The following VSIG10L2 variants were observed in gnomAD, a reference collection of about 807,000 sequenced individuals.
VSIG10L2 encodes the protein V-set and immunoglobulin domain-containing protein 10-like 2.
A neutral mutation model predicts 67.1 loss-of-function variants in VSIG10L2; 56 were observed. The observed-to-expected ratio is 0.83, with a 90% CI of 0.67 to 1.04. The LOEUF (loss-of-function observed/expected upper bound fraction) is 1.04. VSIG10L2 is among the 50% of genes least tolerant of loss of function. The probability of loss-of-function intolerance (pLI) is 0.00; values close to 1 mark genes in which losing one functional copy is unlikely to be tolerated. For missense variants in VSIG10L2, 843 were observed against 932.8 expected (o/e 0.90, Z 1.25); for synonymous variants, 360 against 396.6 (o/e 0.91, Z 1.10).
At chr11:125,951,715 G>A (rs974519917) in intron 5 of VSIG10L2, 98 bp from the exon 6 acceptor site, 36 of 1,223,968 alleles carry the variant, frequency 2.9e-5, no homozygotes, top group Non-Finnish European at 3.5e-5. Flanking sequence ...AATGAAGGAA[G>A]GAGGGAGTGA....
At position 125,947,970 on chromosome 11, in the gene VSIG10L2, C is replaced by A; in HGVS notation, c.367C>A (p.Gln123Lys). Residue 123 changes from glutamine to lysine, a missense_variant, in exon 2 of 12, where the codon CAG (glutamine) becomes AAG (lysine). Gln to Lys is a moderately conservative substitution (Grantham distance 53, BLOSUM62 1). Transcript: ENST00000686984. The stretch of plus-strand genomic sequence containing the variant: ...GGGTGCCCGTGGCCACTTCCTATGC[C>A]AGGTTCTGCACGTGGCTGGCGGCCA... The part of the protein sequence containing the change: ...HEGARGHFLC[Q>K]VLHVAGGQLH... The A allele has an allele frequency of 1.6e-6, 2 of 1,232,310 alleles. No individual in the cohort carries two copies. The highest frequency in any genetic ancestry group is 2.0e-6 in the Non-Finnish European group (2 of 988,076). The allele number at this position is 1,232,310 out of a possible 1,614,324, so 76.3% of individuals were successfully genotyped here. A position where few individuals can be genotyped will look rare whatever the true frequency, so the allele number is the denominator to read the frequency against.
At chr11:125,948,216 C>A in intron 2 of VSIG10L2, 89 bp from the exon 3 acceptor site, 1 of 1,231,842 alleles carries the variant, frequency 8.1e-7, no homozygotes, top group Non-Finnish European at 1.0e-6. Flanking sequence ...GCTGGTGAGT[C>A]CCCAGCCAGC....
At position 125,951,157 on chromosome 11, in the gene VSIG10L2, CTG is replaced by C; in HGVS notation, c.1234+2_1234+3del. On this transcript the variant is annotated splice_donor_variant and coding_sequence_variant, in exon 5 of 12. Transcript: ENST00000686984. LOFTEE classifies it high-confidence loss of function. ...CGCCTGCCCTCTGCACAGTCATGCT[CTG>C]TGAGTGGACACAGGAAACCCCAGGG... The C allele has an allele frequency of 8.1e-7, 1 of 1,232,836 alleles. No individual in the cohort carries two copies. Among genetic ancestry groups the C allele is most frequent in the Non-Finnish European group, 1.0e-6 (1 of 988,488 alleles). 76.4% of individuals were successfully genotyped at this position (1,232,836 alleles called of 1,614,324 possible).
chr11:125,948,308 CG>C lies in VSIG10L2; in HGVS notation c.439del (p.Val147CysfsTer8), dbSNP rs775772712. The C allele has an allele frequency of 1.2e-4, 152 of 1,232,486 alleles. No homozygotes were observed. Among genetic ancestry groups the C allele is most frequent in the Non-Finnish European group, 1.5e-4 (146 of 988,370 alleles). The allele number at this position is 1,232,486 out of a possible 1,614,324, so 76.3% of individuals were successfully genotyped here. On this transcript the variant is annotated frameshift_variant, in exon 3 of 12. Transcript: ENST00000686984. LOFTEE classifies it high-confidence loss of function. ...YSHLTLAVLV[P>X]VSKPQVRLSN... ...GGCCTCTCCCTCCTCTGGCCAGTGC[CG>C]GTGTCCAAGCCTCAAGTGCGACTGA...
chr11:125,955,506 C>G lies in VSIG10L2; in HGVS notation c.2231C>G (p.Thr744Arg). 4.2e-6 allele frequency: 4 copies of G among 962,998 alleles called. No individual in the cohort carries two copies. The South Asian group carries it at 4.4e-5, about 11-fold the overall frequency. 59.7% of individuals were successfully genotyped at this position (962,998 alleles called of 1,614,324 possible). Reference sequence around the variant, plus strand: ...GGCCTTGGTCAATTGCTTGTTCCCACGTGAGTGTGGAACCCCAGTCATCCT... The same window carrying G: ...GGCCTTGGTCAATTGCTTGTTCCCAGGTGAGTGTGGAACCCCAGTCATCCT... ...FPRLGQLLVP[T>R]EQRHQQRGSR... Residue 744 changes from threonine to arginine, a missense_variant and splice_region_variant, in exon 10 of 12, where the codon ACG (threonine) becomes AGG (arginine). Thr to Arg is a moderately conservative substitution (Grantham distance 71). Transcript: ENST00000686984.
chr11:125,953,547 C>T lies in VSIG10L2; in HGVS notation c.1643C>T (p.Ser548Leu). 1.6e-6 allele frequency: 2 copies of T among 1,232,292 alleles called. No individual in the cohort carries two copies. Among genetic ancestry groups the T allele is most frequent in the South Asian group, 8.2e-5 (2 of 24,322 alleles). The allele number at this position is 1,232,292 out of a possible 1,614,324, so 76.3% of individuals were successfully genotyped here. A position where few individuals can be genotyped will look rare whatever the true frequency, so the allele number is the denominator to read the frequency against. Residue 548 changes from serine (S) to leucine (L), a missense_variant, in exon 7 of 12, where the codon TCA (serine) becomes TTA (leucine). Physicochemically the swap from Ser to Leu is moderately radical, Grantham distance 145 (BLOSUM62 -2). Coordinates refer to ENST00000686984, the MANE Select transcript of VSIG10L2 (RefSeq NM_001365077.2). ...CAACAAAAAGTGGACCCCGGCACTT[C>T]AGGATTCATGCTGCACCCTGAGGGT... The part of the protein sequence containing the change: ...PQQQKVDPGT[S>L]GFMLHPEGAQ...
In VSIG10L2 at chr11:125,948,496, C is replaced by G; in HGVS notation, c.625C>G (p.Arg209Gly). The G allele has an allele frequency of 8.1e-7, 1 of 1,232,232 alleles. No individual in the cohort carries two copies. The highest frequency in any genetic ancestry group is 1.0e-6 in the Non-Finnish European group (1 of 988,008). 76.3% of individuals were successfully genotyped at this position (1,232,232 alleles called of 1,614,324 possible). Reference sequence around the variant, plus strand: ...ACTATTCCAGCTGGACCCTGTCAACCGGACACACCTAGGGTGGTACATGTG... The same window carrying G: ...ACTATTCCAGCTGGACCCTGTCAACGGGACACACCTAGGGTGGTACATGTG... ...EPLFQLDPVN[R>G]THLGWYMCSA... The change falls in exon 3 of 12, where the codon CGG becomes GGG. Residue 209 changes from arginine (R) to glycine (G), a missense_variant. Around this residue, in one of 2 missense-constraint regions of VSIG10L2, gnomAD observed 446 missense variants for 548.4 expected, o/e 0.81. Transcript: ENST00000686984.
chr11:125,955,245 A>C (rs1380647657), intron 9 of VSIG10L2, 66 bp downstream of exon 9: 1 of 1,307,028 alleles, frequency 7.7e-7, no homozygotes, highest in Non-Finnish European at 9.7e-7. Context: ...GACCTATCCA[A>C]AGGAGAGATG....
intron 3 of VSIG10L2, among the ~76,000 whole-genome samples, chr11:125,949,544 C>A (rs55928244): frequency 0.017 from 2,570 of 152,212 alleles, 74 homozygotes; most frequent in African/African-American, 0.059. Flanking sequence ...TCAGGGAGAG[C>A]TTCGAAGATG....
chr11:125,949,907 G>A, intron 3 of VSIG10L2, 107 bp from the exon 4 acceptor site: 3 of 1,140,652 alleles, frequency 2.6e-6, no homozygotes, highest in South Asian at 9.2e-5. Context: ...ACACGGGCCA[G>A]TGCATACTAC....
chr11:125,951,644 C>T (rs961950871), intron 5 of VSIG10L2, 169 bp from the exon 6 acceptor site: 44 of 713,462 alleles, frequency 6.2e-5, no homozygotes, highest in East Asian at 1.7e-4. Flanking sequence ...TGTCTGTTCC[C>T]ACCATTTCCC....
chr11:125,950,562 C>A (rs544956772), intron 4 of VSIG10L2, among the ~76,000 whole-genome samples: 1 of 152,124 alleles, frequency 6.6e-6, no homozygotes. Flanking sequence ...CATGGCCCTG[C>A]GGACTGAACT....
At position 125,952,008 on chromosome 11, in the gene VSIG10L2, G is replaced by C. The variant is rs1368625815; in HGVS notation, c.1430G>C (p.Arg477Thr). The change falls in exon 6 of 12, where the codon AGA (arginine) becomes ACA (threonine). Residue 477 changes from arginine (R) to threonine (T), a missense_variant. Arg to Thr is a moderately conservative substitution (Grantham distance 71). Around this residue, in one of 2 missense-constraint regions of VSIG10L2, gnomAD observed 397 missense variants for 384.4 expected, o/e 1.03. Coordinates refer to ENST00000686984, the MANE Select transcript of VSIG10L2 (RefSeq NM_001365077.2). ...CAGGCCCAAGAAGATCTGGCTGGCA[G>C]AGAGTTCACCTGCCGGGGCACTCAC... is the stretch of plus-strand genomic sequence containing the variant. ...LLQAQEDLAG[R>T]EFTCRGTHLL... 6.5e-7 allele frequency: 1 copy of C among 1,536,148 alleles called. No individual in the cohort carries two copies. The highest frequency in any genetic ancestry group is 1.2e-5 in the South Asian group (1 of 84,068).
In VSIG10L2 at chr11:125,955,923, G is replaced by A; in HGVS notation, c.*9G>A. 2 of 651,322 alleles carry A rather than the reference G, an allele frequency of 3.1e-6. No homozygotes were observed. The highest frequency in any genetic ancestry group is 5.5e-6 in the Non-Finnish European group (2 of 362,744). 40.3% of individuals were successfully genotyped at this position (651,322 alleles called of 1,614,324 possible). A position where few individuals can be genotyped will look rare whatever the true frequency, so the allele number is the denominator to read the frequency against. On this transcript the variant is annotated 3_prime_UTR_variant, in exon 12 of 12. Coordinates refer to ENST00000686984, the MANE Select transcript of VSIG10L2 (RefSeq NM_001365077.2). ...TGACTGCAACACCATAAGGCCCAAA[G>A]AGGAAGATGCAAATAGGCTTAGGGA... is the stretch of plus-strand genomic sequence containing the variant.
rs1388256458 is a variant in VSIG10L2, at chr11:125,950,129, T to C, written c.825T>C (p.Pro275=). 3 of 1,232,278 alleles carry C rather than the reference T, an allele frequency of 2.4e-6. No homozygotes were observed. Among genetic ancestry groups the C allele is most frequent in the Non-Finnish European group, 3.0e-6 (3 of 988,150 alleles). The allele number at this position is 1,232,278 out of a possible 1,614,324, so 76.3% of individuals were successfully genotyped here. A position where few individuals can be genotyped will look rare whatever the true frequency, so the allele number is the denominator to read the frequency against. ...TLSCLAASNP[P]SHYVWLRDHT... is the part of the protein sequence containing the mutation. ...GCTGTCTGGCTGCCTCCAACCCACC[T>C]AGTCACTATGTGTGGCTCCGTGACC... The change falls in exon 4 of 12, where the codon CCT becomes CCC. Residue 275 remains proline, a synonymous_variant. Coordinates refer to ENST00000686984, the MANE Select transcript of VSIG10L2 (RefSeq NM_001365077.2).
chr11:125,955,561 G>T, intron 10 of VSIG10L2, 54 bp from the exon 11 acceptor site: 1 of 1,450,586 alleles, frequency 6.9e-7, no homozygotes, highest in Non-Finnish European at 9.3e-7. Flanking sequence ...CAGTTGGAAA[G>T]GAAAGCGAGG....
At position 125,951,174 on chromosome 11, in the gene VSIG10L2, AAACC is replaced by A. The variant is rs539558823; in HGVS notation, c.1234+17_1234+20del. 1 of 1,232,702 alleles carries A rather than the reference AAACC, an allele frequency of 8.1e-7. No homozygotes were observed. Among genetic ancestry groups the A allele is most frequent in the Admixed American group, 4.2e-5 (1 of 23,738 alleles). 76.4% of individuals were successfully genotyped at this position (1,232,702 alleles called of 1,614,324 possible). A position where few individuals can be genotyped will look rare whatever the true frequency, so the allele number is the denominator to read the frequency against. ...GTCATGCTCTGTGAGTGGACACAGGAAACCCCAGGGCTCTGACATTCCAGGCAGA... is the reference window on the plus strand; with the variant it reads ...GTCATGCTCTGTGAGTGGACACAGGACCAGGGCTCTGACATTCCAGGCAGA... On this transcript the variant is annotated intron_variant, in intron 5 of 11. Transcript: ENST00000686984.
chr11:125,953,539 C>T lies in VSIG10L2; in HGVS notation c.1635C>T (p.Pro545=), dbSNP rs1159458094. The T allele has an allele frequency of 3.0e-5, 37 of 1,232,110 alleles. No individual in the cohort carries two copies. Among genetic ancestry groups the T allele is most frequent in the Non-Finnish European group, 3.4e-5 (34 of 988,062 alleles). The allele number at this position is 1,232,110 out of a possible 1,614,324, so 76.3% of individuals were successfully genotyped here. ...GGCCTCAACAACAAAAAGTGGACCC[C>T]GGCACTTCAGGATTCATGCTGCACC... ...WLGPQQQKVD[P]GTSGFMLHPE... The change falls in exon 7 of 12, where the codon CCC becomes CCT. Residue 545 remains proline (P), a synonymous_variant. Transcript: ENST00000686984.
Position 125,955,194 on chromosome 11 carries a change from G to A in VSIG10L2, c.2206+15G>A, listed in dbSNP as rs1260705505. 71 of 1,248,506 alleles carry A rather than the reference G, an allele frequency of 5.7e-5. No homozygotes were observed. The highest frequency in any genetic ancestry group is 7.1e-5 in the Non-Finnish European group (71 of 997,984). The allele number at this position is 1,248,506 out of a possible 1,614,324, so 77.3% of individuals were successfully genotyped here. A position where few individuals can be genotyped will look rare whatever the true frequency, so the allele number is the denominator to read the frequency against. ...GACTTTCCCCCGTGAGTGGGAATCGGAAGGGACGGGCTGCTTGACCCCACA... is the reference window on the plus strand; with the variant it reads ...GACTTTCCCCCGTGAGTGGGAATCGAAAGGGACGGGCTGCTTGACCCCACA... On this transcript the variant is annotated intron_variant, in intron 9 of 11. Transcript: ENST00000686984.
Sources: gnomAD v4.1 joint callset for allele counts (sites outside exome capture counted in the v4.1 genomes callset) on GRCh38, gnomAD v4.1.1 for gene constraint, gnomAD v4.1.1 regional missense constraint, MANE v1.5 for transcripts, NCBI Gene and HGNC (gene_info 2026-07-23, HGNC 2026-07-21) for gene names.